The following MSI2 variants were observed in gnomAD, a reference collection of about 807,000 sequenced individuals.
MSI2 encodes the protein musashi RNA binding protein 2, also known as RNA-binding protein Musashi homolog 2.
MSI2 carries 17 observed loss-of-function variants against 45.6 expected under a neutral mutation model. The ratio of observed to expected loss-of-function variants is 0.37; its 90% CI spans 0.26 to 0.56. MSI2 has a LOEUF of 0.56. MSI2 is among the 20% of genes least tolerant of loss of function. The pLI is 0.77. For missense variants in MSI2, 293 were observed against 444.2 expected, an observed-to-expected ratio of 0.66 and a Z score of 3.06; for synonymous variants, 156 against 158.2, an observed-to-expected ratio of 0.99 and a Z score of 0.11.
intron 10 of MSI2, among the ~76,000 whole-genome samples, chr17:57,651,580 A>G (rs1911152888): frequency 1.3e-5 from 2 of 152,238 alleles, no homozygotes; most frequent in East Asian, 3.8e-4. Context: ...AGGCCATGCT[A>G]ACCTGCAGAG....
intron 8 of MSI2, among the ~76,000 whole-genome samples, chr17:57,613,444 A>G (rs1907361952): frequency 6.6e-6 from 1 of 152,154 alleles, no homozygotes; most frequent in African/African-American, 2.4e-5. Context: ...GATAATCCAA[A>G]CTCAGCTAAT....
intron 10 of MSI2, among the ~76,000 whole-genome samples, chr17:57,645,686 C>G (rs1910603701): frequency 1.3e-5 from 2 of 152,014 alleles, no homozygotes; most frequent in Admixed American, 6.6e-5. Flanking sequence ...AGGTAGTCCT[C>G]CCGCCTCAGT....
chr17:57,293,909 G>GTTTT (rs72240746), intron 5 of MSI2, among the ~76,000 whole-genome samples: 9 of 145,408 alleles, frequency 6.2e-5, no homozygotes, highest in African/African-American at 2.3e-4. Context: ...TGCCCAGCCT[G>GTTTT]TTTTTTTTTT....
intron 6 of MSI2, among the ~76,000 whole-genome samples, chr17:57,439,467 C>T (rs2084756089): frequency 6.6e-6 from 1 of 152,160 alleles, no homozygotes; most frequent in Admixed American, 6.5e-5. Flanking sequence ...TCATCAACAT[C>T]CCACAGGGAC....
chr17:57,296,975 C>T (rs558244994), intron 5 of MSI2, among the ~76,000 whole-genome samples: 9 of 152,194 alleles, frequency 5.9e-5, no homozygotes, highest in Admixed American at 2.0e-4. Context: ...CCTGGGTTTA[C>T]GCCATTCTCC....
rs78772732 is a variant in MSI2 at position 57,477,669 on chromosome 17, T to C, written c.406-52007T>C. On this transcript the variant is annotated intron_variant, in intron 6 of 13. Coordinates refer to ENST00000284073, the MANE Select transcript of MSI2 (RefSeq NM_138962.4). ...TGATGCAAAATGCACCCAAGGGGAC[T>C]AGACTAAGCCAGGGAGGGCCCCAAG... Among the ~76,000 whole-genome samples the C allele has an allele frequency of 4.2e-3, 638 of 152,278 alleles. 7 individuals are homozygous for C. Among genetic ancestry groups the C allele is most frequent in the African/African-American group, 0.015 (616 of 41,572 alleles).
At chr17:57,576,930 A>G (rs2088065708) in intron 7 of MSI2, among the ~76,000 whole-genome samples, 1 of 152,138 alleles carries the variant, frequency 6.6e-6, no homozygotes, top group South Asian at 2.1e-4. Context: ...CGCCACCACA[A>G]AGGGAAGTCC....
chr17:57,681,696 TTTG>T lies in MSI2; in HGVS notation c.*2185_*2187del, dbSNP rs1913606862. ...ATGTTAGGTTGTTTGGTGAGGTTTT[TTTG>T]TTGTTTTTTTCCTTTCTTTGTTTCT... On this transcript the variant is annotated 3_prime_UTR_variant, in exon 14 of 14. Transcript: ENST00000284073. The T allele has an allele frequency of 5.2e-6, 1 of 192,062 alleles. No individual in the cohort carries two copies. Among genetic ancestry groups the T allele is most frequent in the Non-Finnish European group, 1.1e-5 (1 of 92,062 alleles). The allele number at this position is 192,062 out of a possible 1,614,324, so 11.9% of individuals were successfully genotyped here.
intron 5 of MSI2, among the ~76,000 whole-genome samples, chr17:57,361,111 C>G (rs942461912): frequency 7.9e-5 from 12 of 152,282 alleles, no homozygotes; most frequent in African/African-American, 2.9e-4. Context: ...GTTGTTGACA[C>G]TTGAACAACT....
intron 7 of MSI2, among the ~76,000 whole-genome samples, chr17:57,583,266 T>C (rs2088252668): frequency 6.6e-6 from 1 of 152,208 alleles, no homozygotes; most frequent in Non-Finnish European, 1.5e-5. Context: ...CAGCACAAGG[T>C]ACCAGCTGTG....
chr17:57,490,948 A>T (rs1168198596), intron 6 of MSI2, among the ~76,000 whole-genome samples: 1 of 152,142 alleles, frequency 6.6e-6, no homozygotes, highest in Non-Finnish European at 1.5e-5. Context: ...TGCCACTTAG[A>T]ATGGCTCAGA....
At chr17:57,307,979 C>G (rs1677813024) in intron 5 of MSI2, among the ~76,000 whole-genome samples, 1 of 152,194 alleles carries the variant, frequency 6.6e-6, no homozygotes, top group African/African-American at 2.4e-5. Context: ...TCCATAGAGC[C>G]TGACAGACAG....
At chr17:57,300,817 A>C (rs916457642) in intron 5 of MSI2, among the ~76,000 whole-genome samples, 1 of 152,170 alleles carries the variant, frequency 6.6e-6, no homozygotes, top group Non-Finnish European at 1.5e-5. Context: ...AGATCTTGTG[A>C]GACTTATTCA....
In MSI2 at chr17:57,407,457, G is replaced by A. The variant is rs1190089888; in HGVS notation, c.405+5986G>A. 1.3e-5 allele frequency among the ~76,000 whole-genome samples: 2 copies of A among 152,234 alleles called. No individual in the cohort carries two copies. Among genetic ancestry groups the A allele is most frequent in the African/African-American group, 4.8e-5 (2 of 41,464 alleles). ...GAGAGTGGACTGTGATCCTCAGGTA[G>A]TGTTTTCTTGCTTTAAATGTGTGTC... On this transcript the variant is annotated intron_variant, in intron 6 of 13. Coordinates refer to ENST00000284073, the MANE Select transcript of MSI2 (RefSeq NM_138962.4). The surrounding 1 kb of genome is among the most constrained non-coding windows in gnomAD (Gnocchi z 4.1).
chr17:57,548,377 T>C (rs529911568), intron 7 of MSI2, among the ~76,000 whole-genome samples: 43 of 152,228 alleles, frequency 2.8e-4, no homozygotes, highest in African/African-American at 1.0e-3. Context: ...GAGTGGGGGC[T>C]TAATTGGGGC....
At chr17:57,667,233 G>T (rs978471984) in intron 11 of MSI2, among the ~76,000 whole-genome samples, 3 of 152,212 alleles carry the variant, frequency 2.0e-5, no homozygotes, top group Admixed American at 1.3e-4. Flanking sequence ...ATTCTAACCT[G>T]TGTGGGCCTG....
chr17:57,323,287 G>A (rs1035646441), intron 5 of MSI2, among the ~76,000 whole-genome samples: 3 of 152,160 alleles, frequency 2.0e-5, no homozygotes, highest in Non-Finnish European at 2.9e-5. Flanking sequence ...GGAAAGTGGA[G>A]AAGAAAAAAT....
intron 5 of MSI2, among the ~76,000 whole-genome samples, chr17:57,334,668 C>A (rs541726821): frequency 6.6e-5 from 10 of 152,166 alleles, no homozygotes; most frequent in African/African-American, 2.4e-4. Flanking sequence ...GTGGTGGATG[C>A]CTGTGATCCC....
At chr17:57,298,218 CT>C (rs1223876536) in intron 5 of MSI2, among the ~76,000 whole-genome samples, 9 of 152,140 alleles carry the variant, frequency 5.9e-5, no homozygotes, top group South Asian at 2.1e-4. Flanking sequence ...GAAATTACCC[CT>C]GATCCACGGT....
Sources: gnomAD v4.1 joint callset for allele counts (sites outside exome capture counted in the v4.1 genomes callset) on GRCh38, gnomAD v4.1.1 for gene constraint, Gnocchi (gnomAD v3.1) non-coding constraint, MANE v1.5 for transcripts, NCBI Gene and HGNC (gene_info 2026-07-23, HGNC 2026-07-21) for gene names.